AUTS2: variants seen among roughly 807,000 people sequenced by gnomAD.
AUTS2 encodes autism susceptibility gene 2 protein.
Under a neutral mutation model 112.4 loss-of-function variants are expected in AUTS2, and 17 were observed. The observed-to-expected ratio is 0.15, with a 90% CI of 0.10 to 0.23. AUTS2 has a LOEUF of 0.23. Ranked by LOEUF, AUTS2 falls within the 10% of genes least tolerant of loss-of-function variation. AUTS2 has a pLI of 1.00. For synonymous variants in AUTS2, 751 were observed against 702.7 expected (o/e 1.07, Z -1.09); for missense variants, 1,510 against 1,701.6 (o/e 0.89, Z 1.98).
intron 3 of AUTS2, chr7:70,120,470 A>G (rs1364263057): frequency 1.3e-5 from 2 of 152,296 alleles, no homozygotes; most frequent in South Asian, 2.1e-4. Context: ...TAAAACCATG[A>G]CAACTTTTCT....
intron 1 of AUTS2, among the ~76,000 whole-genome samples, chr7:69,774,749 A>G (rs1378510389): frequency 6.6e-6 from 1 of 152,232 alleles, no homozygotes; most frequent in Non-Finnish European, 1.5e-5. Flanking sequence ...TTTTCTGAGT[A>G]AAGTATACTT....
At chr7:70,459,513 G>C (rs1015549670) in intron 5 of AUTS2, among the ~76,000 whole-genome samples, 1 of 152,168 alleles carries the variant, frequency 6.6e-6, no homozygotes, top group African/African-American at 2.4e-5. Flanking sequence ...GTCCGTGTGA[G>C]CCCCAGCTCT....
intron 5 of AUTS2, among the ~76,000 whole-genome samples, chr7:70,586,390 A>G (rs1032925923): frequency 1.3e-5 from 2 of 152,198 alleles, no homozygotes; most frequent in African/African-American, 4.8e-5. Context: ...TAGTCCAAAA[A>G]TATTTCATAA....
intron 4 of AUTS2, among the ~76,000 whole-genome samples, chr7:70,422,347 T>C (rs1718106815): frequency 1.3e-5 from 2 of 152,234 alleles, no homozygotes; most frequent in Admixed American, 1.3e-4. Context: ...CTAGTTGGCT[T>C]GAAGTGAATC....
intron 4 of AUTS2, among the ~76,000 whole-genome samples, chr7:70,236,978 A>G (rs1277662341): frequency 1.3e-5 from 2 of 152,210 alleles, no homozygotes; most frequent in Non-Finnish European, 2.9e-5. Flanking sequence ...AAGTAAGCTC[A>G]ATACAATTAT....
At chr7:69,851,277 G>C (rs754687749) in intron 1 of AUTS2, among the ~76,000 whole-genome samples, 1 of 152,166 alleles carries the variant, frequency 6.6e-6, no homozygotes, top group Non-Finnish European at 1.5e-5. Context: ...AAATCATATA[G>C]AGTGATTCCT....
At chr7:70,680,274 CAG>C (rs904535523) in intron 5 of AUTS2, among the ~76,000 whole-genome samples, 2 of 152,046 alleles carry the variant, frequency 1.3e-5, no homozygotes, top group African/African-American at 2.4e-5. Flanking sequence ...TAAAGAATCA[CAG>C]AGAGAGAGAG....
rs185350288 is a variant in AUTS2, at chr7:70,273,913, C to T, written c.660+139342C>T. Among the ~76,000 whole-genome samples the T allele has an allele frequency of 7.2e-5, 11 of 152,156 alleles. 1 individual carries two copies. The East Asian group carries it at 2.1e-3, about 29-fold the overall frequency. On this transcript the variant is annotated intron_variant, in intron 4 of 18. Transcript: ENST00000342771. ...AAGAGAAGATTTTAAAAATATTGCTCCATGTCTGTACTTGAATAAGATTTA... is the reference window on the plus strand; with the variant it reads ...AAGAGAAGATTTTAAAAATATTGCTTCATGTCTGTACTTGAATAAGATTTA...
At chr7:69,998,439 C>T (rs1799044573) in intron 2 of AUTS2, among the ~76,000 whole-genome samples, 1 of 152,098 alleles carries the variant, frequency 6.6e-6, no homozygotes, top group Non-Finnish European at 1.5e-5. Flanking sequence ...GGAAAGCTGC[C>T]CTGCAATATG....
chr7:70,208,709 A>G (rs942747541), intron 4 of AUTS2, among the ~76,000 whole-genome samples: 8 of 151,934 alleles, frequency 5.3e-5, no homozygotes, highest in African/African-American at 1.9e-4. Context: ...GGCTAACGTG[A>G]TAGAGATGGG....
chr7:69,840,998 G>C (rs1791954498), intron 1 of AUTS2, among the ~76,000 whole-genome samples: 1 of 152,164 alleles, frequency 6.6e-6, no homozygotes, highest in African/African-American at 2.4e-5. Context: ...TACCAGCAAA[G>C]GGGAAAGTAT....
chr7:69,646,795 T>C (rs998038198), intron 1 of AUTS2, among the ~76,000 whole-genome samples: 3 of 152,142 alleles, frequency 2.0e-5, no homozygotes, highest in African/African-American at 7.2e-5. Flanking sequence ...TTTAAAAACA[T>C]AGTGACCTTG....
At chr7:69,626,027 C>T (rs1214058666) in intron 1 of AUTS2, among the ~76,000 whole-genome samples, 2 of 152,124 alleles carry the variant, frequency 1.3e-5, no homozygotes, top group South Asian at 2.1e-4. Context: ...GAAATGTTTA[C>T]AGCTCCTAAC....
chr7:70,230,326 C>T (rs1227844985), intron 4 of AUTS2, among the ~76,000 whole-genome samples: 1 of 152,164 alleles, frequency 6.6e-6, no homozygotes, highest in Non-Finnish European at 1.5e-5. Flanking sequence ...ATGTTTCCCT[C>T]ATAATGTGTG....
intron 5 of AUTS2, among the ~76,000 whole-genome samples, chr7:70,691,635 C>A (rs1002375794): frequency 1.3e-5 from 2 of 152,132 alleles, no homozygotes; most frequent in Non-Finnish European, 2.9e-5. Context: ...CAGAAATGGG[C>A]TCATTTGTGA....
chr7:70,716,990 A>C (rs373202974), intron 6 of AUTS2, among the ~76,000 whole-genome samples: 109 of 114,864 alleles, frequency 9.5e-4, no homozygotes, highest in African/African-American at 3.7e-3. Context: ...ATCTCAGTGG[A>C]GTTATTTTTT....
intron 4 of AUTS2, among the ~76,000 whole-genome samples, chr7:70,419,590 C>T (rs1585123803): frequency 6.6e-6 from 1 of 152,152 alleles, no homozygotes; most frequent in Non-Finnish European, 1.5e-5. Context: ...AATTTTTAAA[C>T]AAATTATTAT....
chr7:69,914,350 CACACAG>C (rs1476233013), intron 2 of AUTS2, among the ~76,000 whole-genome samples: 2 of 125,552 alleles, frequency 1.6e-5, no homozygotes, highest in African/African-American at 3.2e-5. Context: ...CAGACACACA[CACACAG>C]ACACACACAC....
chr7:69,978,859 A>AACACACACAC (rs71068004), intron 2 of AUTS2, among the ~76,000 whole-genome samples: 2,339 of 129,658 alleles, frequency 0.018, 58 homozygotes, highest in East Asian at 0.058. Context: ...TCAAAGAAAC[A>AACACACACAC]ACACACACAC....
Sources: allele counts gnomAD v4.1 joint callset (sites outside exome capture counted in the v4.1 genomes callset), GRCh38; gene constraint gnomAD v4.1.1; transcripts MANE v1.5; gene names NCBI Gene and HGNC (gene_info 2026-07-23, HGNC 2026-07-21).